Variants in TANC2 observed in about 807,000 individuals in gnomAD.
TANC2 encodes the protein tetratricopeptide repeat, ankyrin repeat and coiled-coil containing 2.
TANC2 carries 26 observed loss-of-function variants against 210.5 expected under a neutral mutation model. That is an observed-to-expected ratio of 0.12 (90% CI 0.09 to 0.17). The LOEUF is 0.17. TANC2 is among the 10% of genes least tolerant of loss of function. The pLI is 1.00. For synonymous variants in TANC2, 931 were observed against 967.1 expected, an observed-to-expected ratio of 0.96 and a Z score of 0.69; for missense variants, 2,129 against 2,608.9, an observed-to-expected ratio of 0.82 and a Z score of 4.01.
chr17:63,338,696 A>C (rs1481931905), intron 11 of TANC2, among the ~76,000 whole-genome samples: 1 of 152,186 alleles, frequency 6.6e-6, no homozygotes, highest in Non-Finnish European at 1.5e-5. Flanking sequence ...AAAAGTGGAG[A>C]TTTTTAAAAT....
In TANC2 at chr17:63,302,599, C is replaced by CTTTTTTT. The variant is rs568226580; in HGVS notation, c.1160-11767_1160-11761dup. ...TCAAAGACTAGGATTGCAACCCCTG[C>CTTTTTTT]TTTTTTTTTTTTTTTTTTTTTTTTT... On this transcript the variant is annotated intron_variant, in intron 9 of 27. Transcript: ENST00000689528. Among the ~76,000 whole-genome samples, 15 of 22,768 alleles carry CTTTTTTT rather than the reference C, an allele frequency of 6.6e-4. 1 individual carries two copies. Among genetic ancestry groups the CTTTTTTT allele is most frequent in the East Asian group, 1.8e-3 (2 of 1,104 alleles). The allele number at this position is 22,768 out of a possible 152,430, so 14.9% of individuals were successfully genotyped here. A position where few individuals can be genotyped will look rare whatever the true frequency, so the allele number is the denominator to read the frequency against.
intron 5 of TANC2, among the ~76,000 whole-genome samples, chr17:63,188,466 G>A (rs1243734664): frequency 4.6e-5 from 7 of 151,792 alleles, no homozygotes; most frequent in South Asian, 4.2e-4. Context: ...GGTGGTGGGC[G>A]CCTGTAGTCC....
chr17:63,276,246 A>G (rs1211411331), intron 9 of TANC2, among the ~76,000 whole-genome samples: 1 of 152,136 alleles, frequency 6.6e-6, no homozygotes, highest in Non-Finnish European at 1.5e-5. Context: ...GTTTTATCTT[A>G]AATTTCAACG....
chr17:63,031,900 G>T (rs1257466699), intron 2 of TANC2, among the ~76,000 whole-genome samples: 1 of 152,120 alleles, frequency 6.6e-6, no homozygotes, highest in Non-Finnish European at 1.5e-5. Context: ...AACAATTCTT[G>T]GAGGAGGTGG....
chr17:63,207,258 C>T (rs1197254013), intron 7 of TANC2, among the ~76,000 whole-genome samples: 1 of 146,794 alleles, frequency 6.8e-6, no homozygotes, highest in African/African-American at 2.5e-5. Context: ...CACTTTCGCC[C>T]AGGCTGGAGT....
intron 5 of TANC2, among the ~76,000 whole-genome samples, chr17:63,156,910 T>C (rs1167522156): frequency 1.3e-5 from 2 of 152,112 alleles, no homozygotes; most frequent in Admixed American, 1.3e-4. Context: ...AGGCTGGTTT[T>C]GAACTCCTGG....
At chr17:62,990,500 G>T (rs1253822192) in intron 1 of TANC2, among the ~76,000 whole-genome samples, 2 of 151,880 alleles carry the variant, frequency 1.3e-5, no homozygotes, top group African/African-American at 4.8e-5. Flanking sequence ...GCCCAGGCTG[G>T]TCTTGAACTC....
chr17:63,346,645 G>A (rs2046420361), intron 12 of TANC2, among the ~76,000 whole-genome samples: 1 of 152,264 alleles, frequency 6.6e-6, no homozygotes, highest in East Asian at 1.9e-4. Flanking sequence ...GAAACAACTG[G>A]AACTCTAATA....
chr17:63,053,988 T>A (rs957250784), intron 2 of TANC2, among the ~76,000 whole-genome samples: 4 of 152,228 alleles, frequency 2.6e-5, no homozygotes, highest in African/African-American at 9.6e-5. Context: ...CTTTGTCTAC[T>A]TCTGCTCTCT....
chr17:63,030,871 A>G (rs1158562639), intron 2 of TANC2, among the ~76,000 whole-genome samples: 1 of 151,944 alleles, frequency 6.6e-6, no homozygotes, highest in Non-Finnish European at 1.5e-5. Flanking sequence ...TTCTCATACC[A>G]AGAGTTAGAA....
chr17:63,380,937 A>G lies in TANC2; in HGVS notation c.2691+1111A>G, dbSNP rs368419641. Among the ~76,000 whole-genome samples, 57 of 152,330 alleles carry G rather than the reference A, an allele frequency of 3.7e-4. 1 individual carries two copies. The South Asian group carries it at 3.9e-3, about 11-fold the overall frequency. ...CTTAGTAGGAGCAGAGTGGAGCTAA[A>G]ATAACTGGCAAGGTATGGCATTCCA... On this transcript the variant is annotated intron_variant, in intron 15 of 27. Coordinates refer to ENST00000689528, the Ensembl canonical transcript of TANC2.
At chr17:63,242,087 C>T (rs1203347083) in intron 8 of TANC2, among the ~76,000 whole-genome samples, 2 of 152,040 alleles carry the variant, frequency 1.3e-5, no homozygotes, top group Non-Finnish European at 2.9e-5. Context: ...TTAATATATT[C>T]GTTCTCATTT....
chr17:63,087,228 G>A (rs905227946), intron 3 of TANC2, among the ~76,000 whole-genome samples: 3 of 152,184 alleles, frequency 2.0e-5, no homozygotes, highest in East Asian at 1.9e-4. Context: ...GCCTTTTAAT[G>A]TGTCTTGCAA....
At chr17:63,284,575 C>T (rs1028085103) in intron 9 of TANC2, among the ~76,000 whole-genome samples, 2 of 151,882 alleles carry the variant, frequency 1.3e-5, no homozygotes, top group African/African-American at 4.8e-5. Flanking sequence ...TTTCTGCTAT[C>T]GATTCCAAGT....
intron 7 of TANC2, among the ~76,000 whole-genome samples, chr17:63,231,306 C>G (rs968486588): frequency 2.0e-5 from 3 of 152,120 alleles, no homozygotes; most frequent in African/African-American, 7.2e-5. Context: ...CATCATGATG[C>G]TAGCTGGTTA....
At chr17:63,373,582 T>C (rs2147037003) in intron 14 of TANC2, among the ~76,000 whole-genome samples, 1 of 152,340 alleles carries the variant, frequency 6.6e-6, no homozygotes, top group South Asian at 2.1e-4. Flanking sequence ...GAGCTGGGTC[T>C]GTCCCTCAAT....
exon 10 of TANC2, chr17:63,314,551 G>A (rs1212211194): frequency 6.2e-7 from 1 of 1,613,828 alleles, no homozygotes; most frequent in Non-Finnish European, 8.5e-7. Flanking sequence ...AAGGAGTAGT[G>A]ATTGTGGGAA....
intron 4 of TANC2, among the ~76,000 whole-genome samples, chr17:63,138,105 G>A (rs566756846): frequency 6.6e-5 from 10 of 152,068 alleles, no homozygotes; most frequent in Non-Finnish European, 1.3e-4. Flanking sequence ...CAGACGTTTC[G>A]CAAAGTTCAG....
chr17:63,000,422 T>G (rs2033320287), intron 1 of TANC2, among the ~76,000 whole-genome samples: 1 of 152,146 alleles, frequency 6.6e-6, no homozygotes, highest in Admixed American at 6.5e-5. Context: ...GGATGAACAT[T>G]GAAAATGAAA....
Sources: allele counts gnomAD v4.1 joint callset (sites outside exome capture counted in the v4.1 genomes callset), GRCh38; gene constraint gnomAD v4.1.1; transcripts MANE v1.5; gene names NCBI Gene and HGNC (gene_info 2026-07-23, HGNC 2026-07-21).